FNDC1: variants seen among roughly 807,000 people sequenced by gnomAD.
FNDC1 encodes the protein fibronectin type III domain-containing protein 1.
Under a neutral mutation model 168.0 loss-of-function variants are expected in FNDC1, and 96 were observed. That is an observed-to-expected ratio of 0.57 (90% CI 0.48 to 0.68). The LOEUF (loss-of-function observed/expected upper bound fraction) is 0.68, where lower values mean the gene tolerates loss of function less well. Among genes scored for constraint, FNDC1 ranks in the 30% least tolerant of loss-of-function variants. FNDC1 has a pLI of 0.00. For missense variants in FNDC1, 2,587 were observed against 2,482.1 expected (o/e 1.04, Z -0.90); for synonymous variants, 1,099 against 1,025.9 (o/e 1.07, Z -1.36).
At chr6:159,262,513 T>G (rs560592020) in intron 19 of FNDC1, among the ~76,000 whole-genome samples, 9 of 152,304 alleles carry the variant, frequency 5.9e-5, no homozygotes, top group African/African-American at 2.2e-4. Flanking sequence ...TTTGCTTAAG[T>G]AAGGGATGTG....
chr6:159,189,293 C>T (rs977997695), intron 1 of FNDC1, among the ~76,000 whole-genome samples: 2 of 152,156 alleles, frequency 1.3e-5, no homozygotes, highest in African/African-American at 4.8e-5. Flanking sequence ...AAGAGCTGGT[C>T]ACCAGCAATG....
chr6:159,237,054 A>G (rs538666500), intron 12 of FNDC1, among the ~76,000 whole-genome samples: 1 of 152,352 alleles, frequency 6.6e-6, no homozygotes, highest in African/African-American at 2.4e-5. Context: ...GAAATGTACT[A>G]AAAGACTATG....
At chr6:159,181,374 G>T (rs1347919609) in intron 1 of FNDC1, among the ~76,000 whole-genome samples, 1 of 152,222 alleles carries the variant, frequency 6.6e-6, no homozygotes, top group Non-Finnish European at 1.5e-5. Flanking sequence ...GGACATTCAA[G>T]TGGTCTTAAT....
chr6:159,206,639 A>G (rs1000095947), intron 4 of FNDC1, among the ~76,000 whole-genome samples: 5 of 152,138 alleles, frequency 3.3e-5, no homozygotes, highest in African/African-American at 4.8e-5. Flanking sequence ...GTCTAGTTCA[A>G]TGTTGATTCG....
rs1387211304 is a variant in FNDC1, at chr6:159,200,567, A to G, written c.446A>G (p.Asn149Ser). ...CCCATTAAGGGTCCAGGACCATTTA[A>G]TGAAACCGTCACAGGTACTACTTCC... ...GFPIKGPGPF[N>S]ETVTEKEVPN... Residue 149 changes from asparagine to serine, a missense_variant, in exon 4 of 23, where the codon AAT (asparagine) becomes AGT (serine). By Grantham distance (46) the Asn-to-Ser change is conservative (BLOSUM62 1). Coordinates refer to ENST00000297267, the MANE Select transcript of FNDC1 (RefSeq NM_032532.3). The G allele has an allele frequency of 1.3e-6, 2 of 1,595,576 alleles. No homozygotes were observed. Among genetic ancestry groups the G allele is most frequent in the African/African-American group, 2.7e-5 (2 of 74,756 alleles).
chr6:159,197,683 G>A, intron 2 of FNDC1, 58 bp downstream of exon 2: 1 of 1,475,338 alleles, frequency 6.8e-7, no homozygotes, highest in Non-Finnish European at 9.2e-7. Flanking sequence ...AACATTCTCA[G>A]TTGCATTCTT....
chr6:159,233,269 G>A lies in FNDC1; in HGVS notation c.2757G>A (p.Leu919=), dbSNP rs1295346733. 3.7e-6 allele frequency: 6 copies of A among 1,613,802 alleles called. No homozygotes were observed. In the East Asian group the frequency reaches 1.3e-4, roughly 36 times the overall value. Reference sequence around the variant, plus strand: ...GAAGCCCGCAGAGAGGGGCCAGCCTGCATCGGAAGGAACCCATCCCAGAGA... The same window carrying A: ...GAAGCCCGCAGAGAGGGGCCAGCCTACATCGGAAGGAACCCATCCCAGAGA... ...LRRSPQRGAS[L]HRKEPIPENP... is the part of the protein sequence containing the mutation. The change falls in exon 11 of 23, where the codon CTG becomes CTA. Residue 919 remains leucine (L), a synonymous_variant. Coordinates refer to ENST00000297267, the MANE Select transcript of FNDC1 (RefSeq NM_032532.3). This position sits in a 1 kb window ranked among gnomAD's most constrained non-coding sequence, Gnocchi z 4.6.
At chr6:159,261,026 A>G (rs373887701) in intron 18 of FNDC1, among the ~76,000 whole-genome samples, 164 bp from the exon 19 acceptor site, 1 of 152,222 alleles carries the variant, frequency 6.6e-6, no homozygotes, top group East Asian at 1.9e-4. Flanking sequence ...CAAAACTGAG[A>G]AAGTTCAGAA....
chr6:159,194,425 A>T (rs934580066), intron 1 of FNDC1, among the ~76,000 whole-genome samples: 3 of 152,234 alleles, frequency 2.0e-5, no homozygotes, highest in Non-Finnish European at 2.9e-5. Context: ...ACTGTAAATG[A>T]TTACAAAGAT....
chr6:159,204,170 A>G (rs1045879777), intron 4 of FNDC1, among the ~76,000 whole-genome samples: 1 of 152,086 alleles, frequency 6.6e-6, no homozygotes, highest in Admixed American at 6.6e-5. Flanking sequence ...CCATTTCCAG[A>G]CGATGCTGCG....
chr6:159,228,415 A>T (rs1272393919), intron 9 of FNDC1, among the ~76,000 whole-genome samples: 1 of 152,198 alleles, frequency 6.6e-6, no homozygotes. Flanking sequence ...TGAATCACAA[A>T]TTTTTATAGA....
In FNDC1 at chr6:159,232,147, G is replaced by T; in HGVS notation, c.1635G>T (p.Glu545Asp). The change falls in exon 11 of 23, where the codon GAG becomes GAT. Residue 545 changes from glutamate (E) to aspartate (D), a missense_variant. Transcript: ENST00000297267. The surrounding 1 kb of genome is among the most constrained non-coding windows in gnomAD (Gnocchi z 4.9). ...LQSTEITGEE[E>D]LGSREDSPMS... ...CGACAGAAATCACTGGGGAGGAGGA[G>T]CTGGGTTCCCGGGAGGACTCGCCCA... 6.2e-7 allele frequency: 1 copy of T among 1,613,942 alleles called. No individual in the cohort carries two copies. The highest frequency in any genetic ancestry group is 8.5e-7 in the Non-Finnish European group (1 of 1,179,888).
At chr6:159,178,746 C>CTTT (rs772005826) in intron 1 of FNDC1, among the ~76,000 whole-genome samples, 2 of 140,778 alleles carry the variant, frequency 1.4e-5, no homozygotes, top group African/African-American at 2.6e-5. Context: ...AAGTGTTTTT[C>CTTT]TTTTTTTTTT....
At chr6:159,176,171 G>A (rs983340911) in intron 1 of FNDC1, among the ~76,000 whole-genome samples, 6 of 152,150 alleles carry the variant, frequency 3.9e-5, no homozygotes, top group Admixed American at 2.0e-4. Flanking sequence ...AACTCTTCAG[G>A]CCTCAGTTTT....
At chr6:159,264,938 A>G (rs780723967) in intron 19 of FNDC1, 37 bp from the exon 20 acceptor site, 1 of 1,563,624 alleles carries the variant, frequency 6.4e-7, no homozygotes, top group East Asian at 2.3e-5. Context: ...ATTGTGAAAT[A>G]TGGCACAGAG....
chr6:159,200,413 G>C, intron 3 of FNDC1, 100 bp from the exon 4 acceptor site: 1 of 919,426 alleles, frequency 1.1e-6, no homozygotes, highest in Non-Finnish European at 1.7e-6. Context: ...TTTTGAAGAT[G>C]GTTGAAAAGA....
intron 9 of FNDC1, among the ~76,000 whole-genome samples, chr6:159,228,570 T>C (rs912722574): frequency 2.0e-5 from 3 of 152,200 alleles, no homozygotes; most frequent in Non-Finnish European, 4.4e-5. Flanking sequence ...AAATATACTT[T>C]TTAAAGATTG....
At chr6:159,230,681 G>A (rs1175019621) in intron 10 of FNDC1, among the ~76,000 whole-genome samples, 1 of 152,214 alleles carries the variant, frequency 6.6e-6, no homozygotes, top group Non-Finnish European at 1.5e-5. Context: ...CTGGAAGGGA[G>A]TGTTTTTGGA....
intron 1 of FNDC1, among the ~76,000 whole-genome samples, chr6:159,173,070 T>G (rs1781693110): frequency 6.6e-6 from 1 of 152,232 alleles, no homozygotes; most frequent in Non-Finnish European, 1.5e-5. Context: ...TATTTTCGTT[T>G]TAATTCCCAG....
Sources: gnomAD v4.1 joint callset for allele counts (sites outside exome capture counted in the v4.1 genomes callset) on GRCh38, gnomAD v4.1.1 for gene constraint, Gnocchi (gnomAD v3.1) non-coding constraint, MANE v1.5 for transcripts, NCBI Gene and HGNC (gene_info 2026-07-23, HGNC 2026-07-21) for gene names.